Variants in GABRG3 observed in about 807,000 individuals in gnomAD.
GABRG3 encodes the protein gamma-aminobutyric acid receptor subunit gamma-3.
GABRG3 carries 25 observed loss-of-function variants against 48.8 expected under a neutral mutation model. The observed-to-expected ratio is 0.51, with a 90% CI of 0.37 to 0.72. GABRG3 has a LOEUF of 0.72. Ranked by LOEUF, GABRG3 falls within the 30% of genes least tolerant of loss-of-function variation. The pLI is 0.00. For synonymous variants in GABRG3, 227 were observed against 217.6 expected (o/e 1.04, Z -0.38); for missense variants, 394 against 577.9 (o/e 0.68, Z 3.26).
intron 5 of GABRG3, among the ~76,000 whole-genome samples, chr15:27,465,566 G>A (rs1481080776): frequency 1.3e-5 from 2 of 152,196 alleles, no homozygotes; most frequent in Non-Finnish European, 2.9e-5. Context: ...CTTTTTGAAA[G>A]GCCAGATGAT....
At chr15:27,435,341 G>T (rs8033747) in intron 5 of GABRG3, among the ~76,000 whole-genome samples, 18,728 of 151,682 alleles carry the variant, frequency 0.12, 1,669 homozygotes, top group East Asian at 0.32. Context: ...TTTTTAAGCC[G>T]TTTTGGGCCG....
chr15:27,410,870 G>GTA (rs892005857), intron 5 of GABRG3, among the ~76,000 whole-genome samples: 2 of 151,726 alleles, frequency 1.3e-5, no homozygotes, highest in African/African-American at 2.4e-5. Context: ...GTGTGTGTGT[G>GTA]TGTGTGTGTG....
intron 3 of GABRG3, among the ~76,000 whole-genome samples, chr15:27,131,437 T>C (rs1897914872): frequency 6.6e-6 from 1 of 152,072 alleles, no homozygotes; most frequent in Non-Finnish European, 1.5e-5. Flanking sequence ...TTCTGTTTGA[T>C]AGCATTTCAT....
intron 2 of GABRG3, among the ~76,000 whole-genome samples, chr15:27,012,493 A>G (rs1421735522): frequency 1.3e-5 from 2 of 152,108 alleles, no homozygotes; most frequent in East Asian, 3.9e-4. Context: ...TTACAGATAT[A>G]TTTTAAAATC....
chr15:27,482,779 T>C (rs1890131603), intron 6 of GABRG3, among the ~76,000 whole-genome samples: 1 of 152,206 alleles, frequency 6.6e-6, no homozygotes, highest in African/African-American at 2.4e-5. Context: ...ATCTGTGAAA[T>C]GGAAACACTT....
At chr15:27,275,359 CA>C (rs1891219278) in intron 3 of GABRG3, among the ~76,000 whole-genome samples, 1 of 152,166 alleles carries the variant, frequency 6.6e-6, no homozygotes, top group Non-Finnish European at 1.5e-5. Flanking sequence ...CCCATTCTGG[CA>C]GGGGGTAAGA....
chr15:27,071,614 G>A (rs1173408721), intron 3 of GABRG3, among the ~76,000 whole-genome samples: 1 of 152,222 alleles, frequency 6.6e-6, no homozygotes, highest in African/African-American at 2.4e-5. Flanking sequence ...CGCAGGTGCA[G>A]CAAAAGCACC....
At chr15:27,169,133 C>T (rs921413750) in intron 3 of GABRG3, among the ~76,000 whole-genome samples, 1 of 152,194 alleles carries the variant, frequency 6.6e-6, no homozygotes, top group Non-Finnish European at 1.5e-5. Context: ...GGAAGAGCCA[C>T]TAGTCTCATA....
At chr15:27,241,602 G>A (rs1307845636) in intron 3 of GABRG3, among the ~76,000 whole-genome samples, 5 of 152,204 alleles carry the variant, frequency 3.3e-5, no homozygotes, top group African/African-American at 1.2e-4. Flanking sequence ...AAGACTGTTT[G>A]GATGCTGCAT....
chr15:27,455,217 G>A (rs1889226854), intron 5 of GABRG3, among the ~76,000 whole-genome samples: 1 of 152,240 alleles, frequency 6.6e-6, no homozygotes, highest in African/African-American at 2.4e-5. Context: ...CTGTGGGCTA[G>A]CAGCATGAGG....
At chr15:27,103,929 T>G (rs1897404867) in intron 3 of GABRG3, among the ~76,000 whole-genome samples, 1 of 152,222 alleles carries the variant, frequency 6.6e-6, no homozygotes, top group Non-Finnish European at 1.5e-5. Flanking sequence ...GACATATCTG[T>G]TTCCCATGGT....
At chr15:27,450,717 TA>T (rs1350982198) in intron 5 of GABRG3, among the ~76,000 whole-genome samples, 1 of 149,702 alleles carries the variant, frequency 6.7e-6, no homozygotes, top group Admixed American at 6.6e-5. Context: ...AATAAGGCAA[TA>T]AAAATGTCGG....
At chr15:26,983,866 C>T (rs1895100589) in intron 2 of GABRG3, among the ~76,000 whole-genome samples, 2 of 152,194 alleles carry the variant, frequency 1.3e-5, no homozygotes, top group Non-Finnish European at 2.9e-5. Flanking sequence ...CTACCATTTG[C>T]TGACTCTGTG....
intron 6 of GABRG3, among the ~76,000 whole-genome samples, chr15:27,510,797 A>G (rs1007536731): frequency 1.3e-5 from 2 of 152,246 alleles, no homozygotes; most frequent in African/African-American, 2.4e-5. Flanking sequence ...TGTTCTAAAA[A>G]CTATCCGTTA....
At chr15:27,159,292 A>C (rs1898513902) in intron 3 of GABRG3, among the ~76,000 whole-genome samples, 1 of 152,048 alleles carries the variant, frequency 6.6e-6, no homozygotes, top group Non-Finnish European at 1.5e-5. Flanking sequence ...GACCAATCTG[A>C]CCAACATGGC....
chr15:27,335,242 C>T lies in GABRG3; in HGVS notation c.574+6354C>T, dbSNP rs76963792. ...TTTGAGTCCCAGCTTTCAGTTCTTA[C>T]GGGTATATTCCTAGAAGTGGAATTG... On this transcript the variant is annotated intron_variant, in intron 5 of 9. Coordinates refer to ENST00000615808, the MANE Select transcript of GABRG3 (RefSeq NM_033223.5). Among the ~76,000 whole-genome samples, 388 of 140,410 alleles carry T rather than the reference C, an allele frequency of 2.8e-3. 1 individual carries two copies. The highest frequency in any genetic ancestry group is 7.2e-3 in the Middle Eastern group (2 of 278). 92.1% of individuals were successfully genotyped at this position (140,410 alleles called of 152,430 possible).
intron 2 of GABRG3, among the ~76,000 whole-genome samples, chr15:27,009,860 C>A (rs1895652925): frequency 6.6e-6 from 1 of 152,138 alleles, no homozygotes; most frequent in Non-Finnish European, 1.5e-5. Flanking sequence ...TCTTCCTCTT[C>A]CTTTCCTCCT....
At chr15:27,175,404 T>C (rs912687773) in intron 3 of GABRG3, among the ~76,000 whole-genome samples, 1 of 152,254 alleles carries the variant, frequency 6.6e-6, no homozygotes, top group Non-Finnish European at 1.5e-5. Context: ...CTGCCAGTAT[T>C]TGCGGGAGCA....
At chr15:26,985,348 C>G (rs1895132048) in intron 2 of GABRG3, among the ~76,000 whole-genome samples, 1 of 152,240 alleles carries the variant, frequency 6.6e-6, no homozygotes, top group Non-Finnish European at 1.5e-5. Context: ...CTGCCCGTTC[C>G]TGGATGAGGA....
Sources: gnomAD v4.1 joint callset for allele counts (sites outside exome capture counted in the v4.1 genomes callset) on GRCh38, gnomAD v4.1.1 for gene constraint, MANE v1.5 for transcripts, NCBI Gene and HGNC (gene_info 2026-07-23, HGNC 2026-07-21) for gene names.